The following TPO variants were observed in gnomAD, a reference collection of about 807,000 sequenced individuals.
TPO encodes thyroid microsomal antigen.
TPO carries 78 observed loss-of-function variants against 96.9 expected under a neutral mutation model. That is an observed-to-expected ratio of 0.81 (90% CI 0.67 to 0.97). The LOEUF (loss-of-function observed/expected upper bound fraction) is 0.97. Among genes scored for constraint, TPO ranks in the 50% least tolerant of loss-of-function variants. The pLI is 0.00. For synonymous variants in TPO, 547 were observed against 538.0 expected (o/e 1.02, Z -0.23); for missense variants, 1,252 against 1,274.8 (o/e 0.98, Z 0.27).
At position 1,507,052 on chromosome 2, in the gene TPO, A is replaced by G. The variant is rs368959458; in HGVS notation, c.2518+2973A>G. Among the ~76,000 whole-genome samples, 26 of 151,994 alleles carry G rather than the reference A, an allele frequency of 1.7e-4. No individual in the cohort carries two copies. The East Asian group carries it at 1.9e-3, about 11-fold the overall frequency. ...GTAAGTCTTTAATCCATCTTGAATT[A>G]ATTTTTGTATAAGGTGTAAGGAAGG... On this transcript the variant is annotated intron_variant, in intron 14 of 16. Transcript: ENST00000329066.
intron 15 of TPO, among the ~76,000 whole-genome samples, chr2:1,537,449 T>TCCCCACTGTGTGCAATCTCAAATCCC (rs1680027609): frequency 3.2e-5 from 1 of 31,296 alleles, no homozygotes. Flanking sequence ...CTCCCAAATC[T>TCCCCACTGTGTGCAATCTCAAATCCC]CCCCACTGTG....
chr2:1,403,173 C>T (rs1256219813), intron 1 of TPO, among the ~76,000 whole-genome samples: 10 of 152,140 alleles, frequency 6.6e-5, no homozygotes, highest in African/African-American at 2.4e-4. Context: ...CTTTGTGTTT[C>T]TCTGTAACCC....
chr2:1,515,340 A>T (rs937885630), intron 14 of TPO, among the ~76,000 whole-genome samples: 6 of 152,190 alleles, frequency 3.9e-5, no homozygotes, highest in Admixed American at 1.3e-4. Flanking sequence ...GGCTTTTAGC[A>T]AGAGGCTGGT....
intron 13 of TPO, among the ~76,000 whole-genome samples, chr2:1,500,611 G>A (rs776674563): frequency 6.6e-6 from 1 of 152,214 alleles, no homozygotes; most frequent in Non-Finnish European, 1.5e-5. Flanking sequence ...AAAACAAATA[G>A]TATTCGCTGC....
chr2:1,525,359 T>TC (rs1368693772), intron 15 of TPO, among the ~76,000 whole-genome samples: 1 of 83,414 alleles, frequency 1.2e-5, no homozygotes, highest in Non-Finnish European at 2.2e-5. Flanking sequence ...CCACCAAATC[T>TC]CCCCCACTGT....
intron 5 of TPO, among the ~76,000 whole-genome samples, chr2:1,447,317 C>T (rs773011590): frequency 3.3e-5 from 5 of 152,340 alleles, no homozygotes; most frequent in East Asian, 1.9e-4. Context: ...AGTCCTTAGA[C>T]GATAACTTTA....
chr2:1,540,341 T>C (rs996671069), intron 15 of TPO, among the ~76,000 whole-genome samples: 6 of 152,252 alleles, frequency 3.9e-5, no homozygotes, highest in African/African-American at 1.4e-4. Flanking sequence ...AAGCCCCAGC[T>C]CAGCTGCGTG....
In TPO at chr2:1,381,735, A is replaced by G. The variant is rs1233287483; in HGVS notation, n.180+7333A>G. ...ATTGATGTTAACATGAAGATGTGCT[A>G]TGGGATAAGTGAAGAATTAAATGTG... On this transcript the variant is annotated intron_variant and non_coding_transcript_variant, in intron 1 of 5. Coordinates refer to the TPO transcript ENST00000497517. Among the ~76,000 whole-genome samples, 4 of 152,332 alleles carry G rather than the reference A, an allele frequency of 2.6e-5. No homozygotes were observed. In the South Asian group the frequency reaches 6.2e-4, roughly 24 times the overall value.
intron 3 of TPO, among the ~76,000 whole-genome samples, chr2:1,425,763 C>T (rs999436920): frequency 1.1e-4 from 16 of 152,072 alleles, no homozygotes; most frequent in African/African-American, 1.7e-4. Context: ...TTCTAGATGC[C>T]GGGATACAGA....
At chr2:1,438,727 A>C (rs1337528527) in intron 5 of TPO, 2 of 691,992 alleles carry the variant, frequency 2.9e-6, no homozygotes, top group African/African-American at 3.6e-5. Flanking sequence ...TAGGCCTCAC[A>C]CATGATCTAA....
intron 2 of TPO, among the ~76,000 whole-genome samples, chr2:1,422,632 C>T (rs946697039): frequency 1.3e-5 from 2 of 152,126 alleles, no homozygotes; most frequent in Non-Finnish European, 1.5e-5. Context: ...AAACAAATAA[C>T]ACAGGAGTGC....
intron 5 of TPO, among the ~76,000 whole-genome samples, chr2:1,452,376 C>T (rs1054455739): frequency 6.6e-5 from 10 of 152,226 alleles, no homozygotes; most frequent in Non-Finnish European, 8.8e-5. Context: ...CCTGGTTACC[C>T]GAGATCCTTC....
In TPO at chr2:1,461,666, G is replaced by A. The variant is rs111811678; in HGVS notation, c.819+5384G>A. ...TGACCGCCCGTACACCTGTGTGCAC[G>A]CCCTTGTGCACACACACGCACACCC... On this transcript the variant is annotated intron_variant, in intron 7 of 16. Coordinates refer to ENST00000329066, the MANE Select transcript of TPO (RefSeq NM_001206744.2). 5.7e-3 allele frequency among the ~76,000 whole-genome samples: 862 copies of A among 152,122 alleles called. 5 individuals carry two copies. Among genetic ancestry groups the A allele is most frequent in the African/African-American group, 0.019 (804 of 41,504 alleles).
rs779278018 is a variant in TPO, at chr2:1,477,239, G to A, written c.973G>A (p.Asp325Asn). 1.9e-6 allele frequency: 3 copies of A among 1,608,704 alleles called. No homozygotes were observed. Among genetic ancestry groups the A allele is most frequent in the Admixed American group, 3.4e-5 (2 of 59,550 alleles). ...GATGAACGGGTTGACCTCGTTCCTG[G>A]ACGCGTCCACCGTGTATGGCAGCTC... ...QQMNGLTSFL[D>N]ASTVYGSSPA... The change falls in exon 8 of 17, where the codon GAC becomes AAC. Residue 325 changes from aspartate (D) to asparagine (N), a missense_variant. Physicochemically the swap from Asp to Asn is conservative, Grantham distance 23. Transcript: ENST00000329066.
intron 10 of TPO, among the ~76,000 whole-genome samples, chr2:1,488,452 C>T (rs1464957104): frequency 6.6e-6 from 1 of 152,092 alleles, no homozygotes; most frequent in Admixed American, 6.5e-5. Context: ...AGTGGCTGCT[C>T]CTCTCAGGCC....
Position 1,481,567 on chromosome 2 carries a change from C to T in TPO, c.1339-3029C>T, listed in dbSNP as rs139964954. Among the ~76,000 whole-genome samples the T allele has an allele frequency of 2.2e-3, 331 of 152,274 alleles. 2 individuals are homozygous for T. Among genetic ancestry groups the T allele is most frequent in the East Asian group, 0.011 (55 of 5,170 alleles). ...GGACTGCAGATCTCCCTGGACATCCCCATCCCGGGCAGGCAGATCCATGTC... is the reference window on the plus strand; with the variant it reads ...GGACTGCAGATCTCCCTGGACATCCTCATCCCGGGCAGGCAGATCCATGTC... On this transcript the variant is annotated intron_variant, in intron 8 of 16. Coordinates refer to ENST00000329066, the MANE Select transcript of TPO (RefSeq NM_001206744.2).
intron 5 of TPO, among the ~76,000 whole-genome samples, chr2:1,447,665 T>G (rs1447799094): frequency 6.6e-6 from 1 of 152,188 alleles, no homozygotes; most frequent in African/African-American, 2.4e-5. Context: ...TAGGTAGATT[T>G]GTATGTGTGT....
At chr2:1,542,085 A>G in intron 16 of TPO, 1 of 408,962 alleles carries the variant, frequency 2.4e-6, no homozygotes, top group South Asian at 3.1e-5. Flanking sequence ...GACTGACACC[A>G]GGGGCAAGGC....
chr2:1,540,545 G>C, intron 15 of TPO, 49 bp from the exon 16 acceptor site: 1 of 1,608,032 alleles, frequency 6.2e-7, no homozygotes. Flanking sequence ...ACCCTCCACA[G>C]TCACGGTGCC....
Sources: gnomAD v4.1 joint callset for allele counts (sites outside exome capture counted in the v4.1 genomes callset) on GRCh38, gnomAD v4.1.1 for gene constraint, MANE v1.5 for transcripts, NCBI Gene and HGNC (gene_info 2026-07-23, HGNC 2026-07-21) for gene names.